The following NCOR1 variants were observed in gnomAD, a reference collection of about 807,000 sequenced individuals.
The protein encoded by NCOR1 is nuclear receptor corepressor 1, also known as protein phosphatase 1, regulatory subunit 109.
NCOR1 carries 63 observed loss-of-function variants against 288.1 expected under a neutral mutation model. That is an observed-to-expected ratio of 0.22 (90% confidence interval 0.18 to 0.27). The LOEUF (loss-of-function observed/expected upper bound fraction) is 0.27. Ranked by LOEUF, NCOR1 falls within the 10% of genes least tolerant of loss-of-function variation. The probability of loss-of-function intolerance (pLI) is 1.00; values close to 1 mark genes in which losing one functional copy is unlikely to be tolerated. For missense variants in NCOR1, 2,397 were observed against 3,019.2 expected, an observed-to-expected ratio of 0.79 and a Z score of 4.83; for synonymous variants, 1,007 against 1,065.9, an observed-to-expected ratio of 0.94 and a Z score of 1.08.
chr17:16,142,228 A>G (rs1681940938), intron 11 of NCOR1, among the ~76,000 whole-genome samples: 1 of 152,202 alleles, frequency 6.6e-6, no homozygotes, highest in African/African-American at 2.4e-5. Context: ...TGAAAACAGG[A>G]ATTTTACTTA....
chr17:16,147,270 G>T (rs147894815), intron 9 of NCOR1, among the ~76,000 whole-genome samples: 1 of 152,152 alleles, frequency 6.6e-6, no homozygotes, highest in South Asian at 2.1e-4. Flanking sequence ...TTAGCCAGGC[G>T]TGGTGGTGGG....
chr17:16,149,509 A>G lies in NCOR1; in HGVS notation c.851T>C (p.Val284Ala). The change falls in exon 9 of 46, where the codon GTG (valine) becomes GCG (alanine). Residue 284 changes from valine (V) to alanine (A), a missense_variant. Physicochemically the swap from Val to Ala is moderately conservative, Grantham distance 64 (BLOSUM62 0). This residue lies in a region of NCOR1 where 76 missense variants were observed against 102.2 expected (regional missense o/e 0.74). Coordinates refer to ENST00000268712, the MANE Select transcript of NCOR1 (RefSeq NM_006311.4). ...AAATAAAATGAGTTTTTTCCTCATC[A>G]CCTGGTTTCTAGAAGAGAAAAATAT... is the stretch of plus-strand genomic sequence containing the variant. ...VYHENIKTNQVMRKKLILFFK... is the reference protein window; with the variant it reads ...VYHENIKTNQAMRKKLILFFK... 6.6e-7 allele frequency: 1 copy of G among 1,526,282 alleles called. No homozygotes were observed. Among genetic ancestry groups the G allele is most frequent in the South Asian group, 1.2e-5 (1 of 83,572 alleles). The allele number at this position is 1,526,282 out of a possible 1,614,324, so 94.5% of individuals were successfully genotyped here. A position where few individuals can be genotyped will look rare whatever the true frequency, so the allele number is the denominator to read the frequency against.
Position 16,215,343 on chromosome 17 carries a change from G to A in NCOR1, c.-71+19C>T, listed in dbSNP as rs1000468261. On this transcript the variant is annotated intron_variant, in intron 1 of 45. Transcript: ENST00000268712. ...CAGGAGCCCGGAGGCCGGGGTTGCA[G>A]GCGCCAGGGCCTACTCACCGGGAGC... is the stretch of plus-strand genomic sequence containing the variant. The A allele has an allele frequency of 2.5e-6, 1 of 392,698 alleles. No homozygotes were observed. Among genetic ancestry groups the A allele is most frequent in the African/African-American group, 2.1e-5 (1 of 48,346 alleles). The allele number at this position is 392,698 out of a possible 1,614,324, so 24.3% of individuals were successfully genotyped here.
intron 1 of NCOR1, among the ~76,000 whole-genome samples, chr17:16,199,081 CCCT>C (rs2090357514): frequency 6.6e-6 from 1 of 151,362 alleles, no homozygotes; most frequent in Admixed American, 6.6e-5. Context: ...TCCATTTTTT[CCCT>C]CATCTCAGTA....
intron 14 of NCOR1, 41 bp from the exon 15 acceptor site, chr17:16,126,247 CAG>C: frequency 6.7e-7 from 1 of 1,502,006 alleles, no homozygotes; most frequent in Non-Finnish European, 8.8e-7. Flanking sequence ...CAAAGGCAAA[CAG>C]AAATAGCTCC....
chr17:16,115,347 T>C (rs1385387405), intron 18 of NCOR1, among the ~76,000 whole-genome samples: 1 of 152,212 alleles, frequency 6.6e-6, no homozygotes, highest in Admixed American at 6.5e-5. Context: ...TTTTCCCCAT[T>C]GTCTTGGAAC....
intron 41 of NCOR1, among the ~76,000 whole-genome samples, chr17:16,047,686 A>G (rs1159228009): frequency 1.9e-5 from 2 of 103,240 alleles, no homozygotes; most frequent in African/African-American, 9.1e-5. Context: ...TTCCTATACT[A>G]ACACATTTAA....
At chr17:16,155,216 T>G (rs950595629) in intron 6 of NCOR1, among the ~76,000 whole-genome samples, 7 of 152,052 alleles carry the variant, frequency 4.6e-5, no homozygotes, top group Non-Finnish European at 8.8e-5. Flanking sequence ...CCAGGCATGG[T>G]GGCATGTGCC....
chr17:16,040,572 T>A, intron 42 of NCOR1, 78 bp from the exon 43 acceptor site: 1 of 1,152,910 alleles, frequency 8.7e-7, no homozygotes, highest in Non-Finnish European at 1.3e-6. Flanking sequence ...AAAATTCCTA[T>A]AATAAAATTA....
At chr17:16,058,134 T>C (rs1431189112) in intron 38 of NCOR1, 70 bp from the exon 39 acceptor site, 1 of 1,528,336 alleles carries the variant, frequency 6.5e-7, no homozygotes, top group African/African-American at 1.4e-5. Context: ...AAAGATTAAA[T>C]ATAATTCAGA....
chr17:16,182,515 C>T (rs534807008), intron 3 of NCOR1, among the ~76,000 whole-genome samples: 6 of 152,250 alleles, frequency 3.9e-5, no homozygotes, highest in South Asian at 2.1e-4. Flanking sequence ...AGTCCAGTGG[C>T]ACAATCTTGG....
chr17:16,127,301 GTATATATACATGTATGTATA>G lies in NCOR1; in HGVS notation c.1510-1115_1510-1096del, dbSNP rs1568195514. On this transcript the variant is annotated intron_variant, in intron 14 of 45. Transcript: ENST00000268712. ...TATATACGTGTATATATGTATGTAT[GTATATATACATGTATGTATA>G]TATGTATGTATATATACATGTATGT... is the stretch of plus-strand genomic sequence containing the variant. Among the ~76,000 whole-genome samples, 103 of 95,712 alleles carry G rather than the reference GTATATATACATGTATGTATA, an allele frequency of 1.1e-3. 28 individuals carry two copies. The highest frequency in any genetic ancestry group is 3.8e-3 in the African/African-American group (101 of 26,866). The allele number at this position is 95,712 out of a possible 152,430, so 62.8% of individuals were successfully genotyped here.
At position 16,086,419 on chromosome 17, in the gene NCOR1, C is replaced by T. The variant is rs778411973; in HGVS notation, c.3040G>A (p.Val1014Met). The T allele has an allele frequency of 1.2e-5, 20 of 1,613,808 alleles. No individual in the cohort carries two copies. The highest frequency in any genetic ancestry group is 1.7e-5 in the Non-Finnish European group (20 of 1,179,930). ...WEVLQPAPHQVITNLPEGVRL... is the reference protein window; with the variant it reads ...WEVLQPAPHQMITNLPEGVRL... ...ACGCCTTCAGGGAGATTAGTTATCA[C>T]TTGATGTGGAGCAGGCTGAAGGACT... is the stretch of plus-strand genomic sequence containing the variant. The change falls in exon 23 of 46, where the codon GTG (valine) becomes ATG (methionine). Residue 1014 changes from valine (V) to methionine (M), a missense_variant. This residue lies in a region of NCOR1 where 1,872 missense variants were observed against 2,187.8 expected (regional missense o/e 0.86). Coordinates refer to ENST00000268712, the MANE Select transcript of NCOR1 (RefSeq NM_006311.4).
intron 3 of NCOR1, among the ~76,000 whole-genome samples, chr17:16,180,262 C>T (rs1428086026): frequency 6.6e-6 from 1 of 152,160 alleles, no homozygotes; most frequent in Non-Finnish European, 1.5e-5. Flanking sequence ...GATGGCTATT[C>T]TCCAAAAGAC....
chr17:16,205,643 G>GAAGA (rs1568679333), intron 1 of NCOR1, among the ~76,000 whole-genome samples: 59 of 132,636 alleles, frequency 4.4e-4, no homozygotes, highest in Admixed American at 2.4e-3. Flanking sequence ...AAGAAAAGAA[G>GAAGA]AAAAAAAAAA....
chr17:16,095,248 CCGGCCGCGACCCCG>C (rs1409121853), intron 21 of NCOR1, among the ~76,000 whole-genome samples: 3 of 151,144 alleles, frequency 2.0e-5, no homozygotes, highest in African/African-American at 7.3e-5. Flanking sequence ...GCACCTCGGC[CCGGCCGCGACCCCG>C]TCTGGGAGGT....
At chr17:16,074,445 T>C (rs1567849942) in intron 27 of NCOR1, among the ~76,000 whole-genome samples, 1 of 152,106 alleles carries the variant, frequency 6.6e-6, no homozygotes, top group Non-Finnish European at 1.5e-5. Flanking sequence ...TTGGTGGATG[T>C]GGAAAGAAAC....
chr17:16,160,591 G>T (rs1434660758), intron 5 of NCOR1, among the ~76,000 whole-genome samples: 1 of 152,174 alleles, frequency 6.6e-6, no homozygotes, highest in Non-Finnish European at 1.5e-5. Flanking sequence ...AGGAGTTCAA[G>T]ACCAGCCTAG....
intron 15 of NCOR1, among the ~76,000 whole-genome samples, chr17:16,125,319 C>T (rs192220513): frequency 3.6e-4 from 54 of 152,106 alleles, no homozygotes; most frequent in Non-Finnish European, 5.7e-4. Context: ...GCCAAGATTG[C>T]GCCACTGCAC....
Sources: allele counts gnomAD v4.1 joint callset (sites outside exome capture counted in the v4.1 genomes callset), GRCh38; gene constraint gnomAD v4.1.1; regional missense constraint gnomAD v4.1.1; transcripts MANE v1.5; gene names NCBI Gene and HGNC (gene_info 2026-07-23, HGNC 2026-07-21).